CHN2: variants seen among roughly 807,000 people sequenced by gnomAD.
CHN2 encodes the protein chimerin 2, also known as beta-chimaerin.
In CHN2, 35 loss-of-function variants were observed where a neutral mutation model predicts 56.3. That is an observed-to-expected ratio of 0.62 (90% CI 0.47 to 0.82). CHN2 has a LOEUF of 0.82. CHN2 is among the 40% of genes least tolerant of loss of function. CHN2 has a pLI of 0.00. For missense variants in CHN2, 491 were observed against 580.5 expected (o/e 0.85, Z 1.58); for synonymous variants, 210 against 212.8 (o/e 0.99, Z 0.12).
chr7:29,273,343 G>GTATACA (rs1790837492), intron 1 of CHN2, among the ~76,000 whole-genome samples: 1 of 58,218 alleles, frequency 1.7e-5, no homozygotes, highest in African/African-American at 6.4e-5. Context: ...ATATATATGT[G>GTATACA]TATATATATA....
chr7:29,248,301 G>A (rs1788230086), intron 1 of CHN2, among the ~76,000 whole-genome samples: 1 of 152,182 alleles, frequency 6.6e-6, no homozygotes, highest in Non-Finnish European at 1.5e-5. Context: ...AGCCACATGG[G>A]ACACTGGTTC....
intron 6 of CHN2, among the ~76,000 whole-genome samples, chr7:29,476,561 TAAAA>T (rs34518690): frequency 2.7e-5 from 4 of 149,138 alleles, no homozygotes; most frequent in African/African-American, 9.9e-5. Context: ...CAATAAAAAT[TAAAA>T]AAAAAAAATA....
intron 6 of CHN2, among the ~76,000 whole-genome samples, chr7:29,430,233 T>C (rs1782741545): frequency 6.6e-6 from 1 of 152,212 alleles, no homozygotes; most frequent in African/African-American, 2.4e-5. Context: ...GGTTTTGTCA[T>C]GGACCCAGGC....
intron 6 of CHN2, among the ~76,000 whole-genome samples, chr7:29,440,727 G>A (rs1185686378): frequency 1.4e-5 from 2 of 148,116 alleles, no homozygotes; most frequent in South Asian, 4.3e-4. Flanking sequence ...GCACAGAGAG[G>A]AAAAGGAGTT....
At chr7:29,285,313 C>T (rs543161707) in intron 1 of CHN2, among the ~76,000 whole-genome samples, 2 of 152,328 alleles carry the variant, frequency 1.3e-5, no homozygotes, top group East Asian at 3.9e-4. Flanking sequence ...GAATGCATCA[C>T]TCATTAAAGA....
intron 1 of CHN2, among the ~76,000 whole-genome samples, chr7:29,312,448 A>G (rs1177852051): frequency 1.3e-5 from 2 of 152,210 alleles, no homozygotes; most frequent in Non-Finnish European, 2.9e-5. Context: ...TAATCTGACC[A>G]AAGTGTGTGT....
At chr7:29,406,105 A>G (rs1802629867) in intron 6 of CHN2, among the ~76,000 whole-genome samples, 2 of 152,218 alleles carry the variant, frequency 1.3e-5, no homozygotes, top group Non-Finnish European at 2.9e-5. Flanking sequence ...TAATTCTGCA[A>G]CAGCTCTTAT....
At position 29,400,772 on chromosome 7, in the gene CHN2, A is replaced by G; in HGVS notation, c.520A>G (p.Lys174Glu). ...AGTATCCAGAAGGCTGAGCAGGTCT[A>G]AAAATGAACCAAGAAAAACAAACGT... ...EKVSRRLSRS[K>E]NEPRKTNVTH... The change falls in exon 6 of 13, where the codon AAA (lysine) becomes GAA (glutamate). Residue 174 changes from lysine to glutamate, a missense_variant. Transcript: ENST00000222792. The G allele has an allele frequency of 1.9e-6, 3 of 1,614,130 alleles. No homozygotes were observed. The highest frequency in any genetic ancestry group is 2.5e-6 in the Non-Finnish European group (3 of 1,179,996).
intron 1 of CHN2, among the ~76,000 whole-genome samples, chr7:29,209,716 G>A (rs1037305387): frequency 6.6e-6 from 1 of 152,122 alleles, no homozygotes; most frequent in Non-Finnish European, 1.5e-5. Flanking sequence ...CTATGGGAGG[G>A]AATTTTTAAG....
intron 3 of CHN2, 135 bp downstream of exon 3, chr7:29,368,122 A>G (rs1799318558): frequency 1.9e-6 from 1 of 538,892 alleles, no homozygotes; most frequent in East Asian, 3.3e-5. Context: ...AAAATTTAAC[A>G]TCTTCATAAT....
At chr7:29,362,802 A>G (rs1030851744) in intron 2 of CHN2, among the ~76,000 whole-genome samples, 2 of 152,076 alleles carry the variant, frequency 1.3e-5, no homozygotes, top group Non-Finnish European at 2.9e-5. Context: ...CTCTTCCCCT[A>G]TTAAAGTACT....
chr7:29,488,197 C>T (rs1295130059), intron 7 of CHN2, among the ~76,000 whole-genome samples: 1 of 152,188 alleles, frequency 6.6e-6, no homozygotes, highest in Admixed American at 6.5e-5. Context: ...GATTGATTCA[C>T]CTCTGCTGTG....
chr7:29,286,310 G>A (rs937108482), intron 1 of CHN2, among the ~76,000 whole-genome samples: 2 of 151,900 alleles, frequency 1.3e-5, no homozygotes, highest in African/African-American at 4.8e-5. Flanking sequence ...ACTGTGGCAG[G>A]CCTCATCTTT....
At chr7:29,408,731 T>G (rs1802894704) in intron 6 of CHN2, among the ~76,000 whole-genome samples, 1 of 152,186 alleles carries the variant, frequency 6.6e-6, no homozygotes, top group East Asian at 1.9e-4. Flanking sequence ...AGTGGTTTCT[T>G]TGGGTGGATA....
chr7:29,225,534 T>C (rs77164764), intron 1 of CHN2, among the ~76,000 whole-genome samples: 2 of 152,322 alleles, frequency 1.3e-5, no homozygotes, highest in East Asian at 3.9e-4. Context: ...TATGCATGTT[T>C]AGAGCATTAT....
Position 29,381,498 on chromosome 7 carries a change from G to A in CHN2, c.145-12181G>A, listed in dbSNP as rs566718458. 2.6e-5 allele frequency among the ~76,000 whole-genome samples: 4 copies of A among 152,270 alleles called. No homozygotes were observed. In the South Asian group the frequency reaches 6.2e-4, roughly 24 times the overall value. On this transcript the variant is annotated intron_variant, in intron 3 of 12. Coordinates refer to ENST00000222792, the MANE Select transcript of CHN2 (RefSeq NM_004067.4). ...TGAAAGTGAGCTGCTGGGAAGAAGG[G>A]CTGGATAGAGGAGTGCCACTCATGG...
intron 1 of CHN2, among the ~76,000 whole-genome samples, chr7:29,208,080 C>T (rs1784653638): frequency 6.6e-6 from 1 of 152,128 alleles, no homozygotes; most frequent in African/African-American, 2.4e-5. Flanking sequence ...CCTCTTCTTC[C>T]TCCCAAGTAT....
At chr7:29,258,993 G>T (rs1789312077) in intron 1 of CHN2, among the ~76,000 whole-genome samples, 1 of 151,082 alleles carries the variant, frequency 6.6e-6, no homozygotes, top group Middle Eastern at 3.2e-3. Flanking sequence ...ATAGACTGTG[G>T]TGTAGCACAT....
At chr7:29,198,148 G>A (rs955166455) in intron 1 of CHN2, among the ~76,000 whole-genome samples, 2 of 152,226 alleles carry the variant, frequency 1.3e-5, no homozygotes, top group Non-Finnish European at 2.9e-5. Context: ...AGCTCTGGAA[G>A]CCGTAGGACA....
Sources: gnomAD v4.1 joint callset for allele counts (sites outside exome capture counted in the v4.1 genomes callset) on GRCh38, gnomAD v4.1.1 for gene constraint, MANE v1.5 for transcripts, NCBI Gene and HGNC (gene_info 2026-07-23, HGNC 2026-07-21) for gene names.